SNX29: variants seen among roughly 807,000 people sequenced by gnomAD.
The protein encoded by SNX29 is sorting nexin 29, also known as sorting nexin-29.
Under a neutral mutation model 102.1 loss-of-function variants are expected in SNX29, and 78 were observed. The observed-to-expected ratio is 0.76, with a 90% CI of 0.64 to 0.92. The LOEUF is 0.92. Among genes scored for constraint, SNX29 ranks in the 40% least tolerant of loss-of-function variants. The pLI is 0.00. For synonymous variants in SNX29, 580 were observed against 414.5 expected, an observed-to-expected ratio of 1.40 and a Z score of -4.85; for missense variants, 1,280 against 1,061.7, an observed-to-expected ratio of 1.21 and a Z score of -2.86.
intron 8 of SNX29, among the ~76,000 whole-genome samples, chr16:12,060,622 T>C (rs1856156513): frequency 1.3e-5 from 2 of 152,124 alleles, no homozygotes; most frequent in South Asian, 4.1e-4. Context: ...ACAAGGGACT[T>C]TGAGCATCCT....
rs1273937330 is a variant in SNX29, at chr16:12,125,603, C to CTTTTTTTTTTTTTTTTTTTTTTT, written c.1403-1029_1403-1028insTTTTTTTTTTTTTTTTTTTTTTT. Reference sequence around the variant, plus strand: ...CAAGGGGGGCTTGTGGCTGAGATCTCTCTTTTTTTTTTTTTTTTTTTTTTT... The same window carrying CTTTTTTTTTTTTTTTTTTTTTTT: ...CAAGGGGGGCTTGTGGCTGAGATCTCTTTTTTTTTTTTTTTTTTTTTTTTCTTTTTTTTTTTTTTTTTTTTTTT... On this transcript the variant is annotated intron_variant, in intron 11 of 20. Coordinates refer to ENST00000566228, the MANE Select transcript of SNX29 (RefSeq NM_032167.5). Among the ~76,000 whole-genome samples the CTTTTTTTTTTTTTTTTTTTTTTT allele has an allele frequency of 2.8e-5, 2 of 71,496 alleles. 1 individual carries two copies. The allele number at this position is 71,496 out of a possible 152,430, so 46.9% of individuals were successfully genotyped here.
chr16:11,995,783 A>G (rs2056047681), intron 1 of SNX29, among the ~76,000 whole-genome samples: 2 of 151,988 alleles, frequency 1.3e-5, no homozygotes, highest in Admixed American at 6.6e-5. Flanking sequence ...CAGAGTTGGC[A>G]GGGCACGGTG....
chr16:12,259,526 G>C (rs117621014), intron 14 of SNX29, among the ~76,000 whole-genome samples: 1 of 152,174 alleles, frequency 6.6e-6, no homozygotes, highest in Non-Finnish European at 1.5e-5. Context: ...TGAGAGCTGT[G>C]GCGCAGAGGA....
intron 16 of SNX29, among the ~76,000 whole-genome samples, chr16:12,362,588 A>G (rs1258481845): frequency 9.0e-5 from 5 of 55,854 alleles, no homozygotes; most frequent in African/African-American, 1.7e-4. Flanking sequence ...GTTTCTCCTC[A>G]TGCTCCCCCA....
intron 13 of SNX29, among the ~76,000 whole-genome samples, chr16:12,153,715 T>G (rs2055405704): frequency 6.6e-6 from 1 of 151,534 alleles, no homozygotes; most frequent in Admixed American, 6.6e-5. Context: ...TGGCCTGAAG[T>G]GATCCATCCA....
At chr16:12,499,641 C>G (rs932304397) in intron 19 of SNX29, among the ~76,000 whole-genome samples, 6 of 152,174 alleles carry the variant, frequency 3.9e-5, no homozygotes, top group Admixed American at 2.6e-4. Context: ...GAATTAGAAT[C>G]TCTACAGTGA....
chr16:12,472,072 A>G (rs2151798171), intron 18 of SNX29, among the ~76,000 whole-genome samples: 1 of 152,374 alleles, frequency 6.6e-6, no homozygotes, highest in Non-Finnish European at 1.5e-5. Context: ...GGTGGATACA[A>G]ACAGGGAAAT....
At chr16:12,376,811 T>G (rs897332887) in intron 16 of SNX29, among the ~76,000 whole-genome samples, 2 of 151,874 alleles carry the variant, frequency 1.3e-5, no homozygotes, top group East Asian at 3.9e-4. Flanking sequence ...GGCCTCTTCT[T>G]CAATAACGTA....
At chr16:12,179,264 A>G (rs1374681468) in intron 13 of SNX29, among the ~76,000 whole-genome samples, 2 of 152,228 alleles carry the variant, frequency 1.3e-5, no homozygotes, top group Non-Finnish European at 2.9e-5. Context: ...TGGGAGGATC[A>G]CTTGAGTTCA....
At chr16:12,002,842 A>G (rs936196436) in intron 2 of SNX29, 149 bp from the exon 3 acceptor site, 2 of 760,824 alleles carry the variant, frequency 2.6e-6, no homozygotes, top group Non-Finnish European at 4.3e-6. Context: ...TTGTGCTGAT[A>G]CCCAGGGGAC....
chr16:12,541,373 G>T (rs2077331998), intron 20 of SNX29, among the ~76,000 whole-genome samples: 1 of 152,254 alleles, frequency 6.6e-6, no homozygotes, highest in East Asian at 1.9e-4. Flanking sequence ...CCCTATGAGG[G>T]CAGTTACCAT....
chr16:11,982,429 T>TG (rs1442955370), intron 1 of SNX29, among the ~76,000 whole-genome samples: 2 of 150,594 alleles, frequency 1.3e-5, no homozygotes, highest in African/African-American at 4.9e-5. Flanking sequence ...ATCAGTTTTT[T>TG]TTTTTTTTTT....
intron 16 of SNX29, among the ~76,000 whole-genome samples, chr16:12,383,454 T>C (rs1320467258): frequency 6.6e-6 from 1 of 152,204 alleles, no homozygotes; most frequent in Non-Finnish European, 1.5e-5. Context: ...TTTTTCTTTT[T>C]GGGACAGAGT....
chr16:12,487,335 G>A (rs951224560), intron 19 of SNX29, among the ~76,000 whole-genome samples: 2 of 152,300 alleles, frequency 1.3e-5, no homozygotes, highest in African/African-American at 4.8e-5. Flanking sequence ...CAAAGCCAGT[G>A]TTTCCATGTA....
At chr16:12,084,563 G>A (rs901884295) in intron 11 of SNX29, among the ~76,000 whole-genome samples, 2 of 152,196 alleles carry the variant, frequency 1.3e-5, no homozygotes, top group East Asian at 1.9e-4. Flanking sequence ...AGTTGCAGCT[G>A]TGCCTGTTGC....
intron 11 of SNX29, among the ~76,000 whole-genome samples, chr16:12,092,867 G>C (rs537798998): frequency 6.6e-6 from 1 of 152,318 alleles, no homozygotes; most frequent in Admixed American, 6.5e-5. Context: ...GTGACATTCA[G>C]GTGAATTTGA....
chr16:12,315,032 T>C (rs1185614914), intron 15 of SNX29, among the ~76,000 whole-genome samples: 4 of 152,250 alleles, frequency 2.6e-5, no homozygotes, highest in Non-Finnish European at 5.9e-5. Context: ...TTCTGTTCCC[T>C]AATTTTCTGC....
At position 12,549,431 on chromosome 16, in the gene SNX29, G is replaced by A. The variant is rs189114180; in HGVS notation, c.2319-19075G>A. Among the ~76,000 whole-genome samples the A allele has an allele frequency of 6.1e-3, 934 of 152,326 alleles. 14 individuals are homozygous for A. Among genetic ancestry groups the A allele is most frequent in the African/African-American group, 0.022 (896 of 41,578 alleles). ...AATCTCTTGAACCTGGGAGGTGGAGGTTGCAGTGACCTAAGATTGCACCAT... is the reference window on the plus strand; with the variant it reads ...AATCTCTTGAACCTGGGAGGTGGAGATTGCAGTGACCTAAGATTGCACCAT... On this transcript the variant is annotated intron_variant, in intron 20 of 20. Coordinates refer to ENST00000566228, the MANE Select transcript of SNX29 (RefSeq NM_032167.5).
chr16:12,306,375 G>A (rs183635925), intron 15 of SNX29, among the ~76,000 whole-genome samples: 2 of 151,718 alleles, frequency 1.3e-5, no homozygotes, highest in East Asian at 2.0e-4. Context: ...TGGGATAGAC[G>A]GTGAGTCAGG....
Sources: allele counts gnomAD v4.1 joint callset (sites outside exome capture counted in the v4.1 genomes callset), GRCh38; gene constraint gnomAD v4.1.1; transcripts MANE v1.5; gene names NCBI Gene and HGNC (gene_info 2026-07-23, HGNC 2026-07-21).